The following TENM2 variants were observed in gnomAD, a reference collection of about 807,000 sequenced individuals.
TENM2 encodes teneurin-2.
A neutral mutation model predicts 245.2 loss-of-function variants in TENM2; 52 were observed. That is an observed-to-expected ratio of 0.21 (90% CI 0.17 to 0.27). The LOEUF is 0.27. Among genes scored for constraint, TENM2 ranks in the 10% least tolerant of loss-of-function variants. The pLI, the probability that TENM2 is intolerant of heterozygous loss-of-function variation, is 1.00. For synonymous variants in TENM2, 1,363 were observed against 1,438.9 expected, an observed-to-expected ratio of 0.95 and a Z score of 1.19; for missense variants, 3,046 against 3,666.8, an observed-to-expected ratio of 0.83 and a Z score of 4.37.
intron 16 of TENM2, 134 bp downstream of exon 18, chr5:168,199,248 T>C: frequency 2.1e-6 from 2 of 950,498 alleles, no homozygotes; most frequent in South Asian, 3.5e-5. Flanking sequence ...ATAAAATTTA[T>C]AGCCACCAGA....
chr5:167,453,025 G>A (rs1446277827), intron 2 of TENM2, among the ~76,000 whole-genome samples: 1 of 141,186 alleles, frequency 7.1e-6, no homozygotes, highest in African/African-American at 2.6e-5. Flanking sequence ...TAGCTGAGTG[G>A]GTAGTTGAAT....
intron 1 of TENM2, among the ~76,000 whole-genome samples, chr5:167,288,120 G>A (rs1581668735): frequency 6.6e-6 from 1 of 152,114 alleles, no homozygotes; most frequent in Non-Finnish European, 1.5e-5. Context: ...CATTCTCCTG[G>A]GGCTTAGGAG....
rs527892078 is a variant in TENM2, at chr5:168,234,956, A to G, written c.5520+6826A>G. 5.9e-5 allele frequency among the ~76,000 whole-genome samples: 9 copies of G among 152,324 alleles called. No individual in the cohort carries two copies. In the East Asian group the frequency reaches 1.4e-3, roughly 23 times the overall value. On this transcript the variant is annotated intron_variant, in intron 25 of 28. Coordinates refer to ENST00000518659, the Ensembl canonical transcript of TENM2. The stretch of plus-strand genomic sequence containing the variant: ...TTGTTTTGGCTCCCATATAATTAAT[A>G]TGACATTGCAATTACGTGTTGGCAT...
At chr5:167,459,058 C>A (rs770731016) in intron 2 of TENM2, among the ~76,000 whole-genome samples, 13 of 152,148 alleles carry the variant, frequency 8.5e-5, no homozygotes, top group Non-Finnish European at 1.0e-4. Context: ...GGTACAGTCA[C>A]ATTGTTGTGC....
intron 7 of TENM2, among the ~76,000 whole-genome samples, chr5:168,073,492 C>G (rs1477153506): frequency 1.3e-5 from 2 of 152,182 alleles, no homozygotes; most frequent in Non-Finnish European, 2.9e-5. Context: ...GCTTTAGTCA[C>G]TCTTCGCTAA....
chr5:167,086,174 A>G, the TENM2 span, among the ~76,000 whole-genome samples: 1 of 152,218 alleles, frequency 6.6e-6, no homozygotes, highest in South Asian at 2.1e-4. Flanking sequence ...CAATCCTGGA[A>G]TGACTCTTCA....
chr5:167,918,840 A>G (rs559794129), intron 3 of TENM2, among the ~76,000 whole-genome samples: 1 of 151,346 alleles, frequency 6.6e-6, no homozygotes, highest in East Asian at 2.0e-4. Flanking sequence ...TGAAGCCAAT[A>G]TGGGAAGCAA....
chr5:167,432,398 C>T (rs1764304123), intron 2 of TENM2, among the ~76,000 whole-genome samples: 1 of 151,758 alleles, frequency 6.6e-6, no homozygotes, highest in Non-Finnish European at 1.5e-5. Flanking sequence ...CCACTGCATT[C>T]TTTTCTTCTG....
intron 2 of TENM2, among the ~76,000 whole-genome samples, chr5:167,496,507 G>A (rs956135647): frequency 1.3e-5 from 2 of 151,946 alleles, no homozygotes; most frequent in Admixed American, 6.6e-5. Flanking sequence ...TCTTGCTTTA[G>A]TGGTACATAT....
chr5:168,015,767 TA>T lies in TENM2; in HGVS notation c.1186+22592del, dbSNP rs572780292. Among the ~76,000 whole-genome samples the T allele has an allele frequency of 1.6e-3, 249 of 152,172 alleles. 4 individuals carry two copies. Among genetic ancestry groups the T allele is most frequent in the African/African-American group, 5.3e-3 (222 of 41,506 alleles). ...TTTTTCTCATCCTCATTCCTGAGGA[TA>T]AAAAAACCTCTCCTTCAGATCAGAA... On this transcript the variant is annotated intron_variant, in intron 5 of 28. Transcript: ENST00000518659.
At chr5:167,526,757 T>C (rs1405480682) in intron 2 of TENM2, among the ~76,000 whole-genome samples, 1 of 152,118 alleles carries the variant, frequency 6.6e-6, no homozygotes, top group Admixed American at 6.6e-5. Context: ...CCTTCTACCA[T>C]AGATAATGCT....
the TENM2 span, among the ~76,000 whole-genome samples, chr5:167,106,830 T>G: frequency 6.6e-6 from 1 of 152,064 alleles, no homozygotes; most frequent in Non-Finnish European, 1.5e-5. Context: ...AATCAGGAAC[T>G]GATTATCTAT....
At chr5:167,415,240 T>C (rs2127412481) in intron 2 of TENM2, among the ~76,000 whole-genome samples, 2 of 151,760 alleles carry the variant, frequency 1.3e-5, no homozygotes, top group African/African-American at 4.8e-5. Flanking sequence ...GGGAGGAAAT[T>C]GTATCATTCT....
At chr5:168,089,640 A>C (rs1453832172) in intron 7 of TENM2, among the ~76,000 whole-genome samples, 1 of 152,164 alleles carries the variant, frequency 6.6e-6, no homozygotes, top group African/African-American at 2.4e-5. Context: ...ATAAACACCA[A>C]GCCAATCTAT....
chr5:167,628,865 T>C (rs983859634), intron 2 of TENM2, among the ~76,000 whole-genome samples: 1 of 152,228 alleles, frequency 6.6e-6, no homozygotes, highest in African/African-American at 2.4e-5. Flanking sequence ...TTACTTTCTT[T>C]ATTACTCATT....
At chr5:167,817,334 A>T (rs1767136567) in intron 2 of TENM2, among the ~76,000 whole-genome samples, 1 of 152,216 alleles carries the variant, frequency 6.6e-6, no homozygotes, top group Non-Finnish European at 1.5e-5. Context: ...CTGCATGTTC[A>T]AGATATCTTT....
chr5:167,235,543 A>G, the TENM2 span, among the ~76,000 whole-genome samples: 1 of 152,170 alleles, frequency 6.6e-6, no homozygotes, highest in Non-Finnish European at 1.5e-5. Flanking sequence ...ATCTTTTCAC[A>G]CAGTTGGATG....
chr5:167,383,222 CATATACGA>C (rs1761197499), intron 2 of TENM2, among the ~76,000 whole-genome samples: 1 of 151,916 alleles, frequency 6.6e-6, no homozygotes, highest in Non-Finnish European at 1.5e-5. Flanking sequence ...AAATGAAGGC[CATATACGA>C]AAATGCCAAA....
At chr5:168,196,094 C>T (rs1201042470) in intron 15 of TENM2, among the ~76,000 whole-genome samples, 1 of 152,088 alleles carries the variant, frequency 6.6e-6, no homozygotes, top group Non-Finnish European at 1.5e-5. Flanking sequence ...CCAATCTGAT[C>T]CAACACTCTT....
Sources: gnomAD v4.1 joint callset for allele counts (sites outside exome capture counted in the v4.1 genomes callset) on GRCh38, gnomAD v4.1.1 for gene constraint, MANE v1.5 for transcripts, NCBI Gene and HGNC (gene_info 2026-07-23, HGNC 2026-07-21) for gene names.